DRD2: variants seen among roughly 807,000 people sequenced by gnomAD.
DRD2 encodes the protein D(2) dopamine receptor.
DRD2 carries 8 observed loss-of-function variants against 38.0 expected under a neutral mutation model. The ratio of observed to expected loss-of-function variants is 0.21; its 90% CI spans 0.12 to 0.38. DRD2 has a LOEUF of 0.38. Ranked by LOEUF, DRD2 falls within the 10% of genes least tolerant of loss-of-function variation. The probability of loss-of-function intolerance (pLI) is 1.00; values close to 1 mark genes in which losing one functional copy is unlikely to be tolerated. For missense variants in DRD2, 403 were observed against 607.7 expected (o/e 0.66, Z 3.54); for synonymous variants, 230 against 238.6 (o/e 0.96, Z 0.33).
Position 113,412,524 on chromosome 11 carries a change from C to T in DRD2, c.1138+32G>A, listed in dbSNP as rs191808777. ...GCAGGGAATGGGACCTTTCACAGAC[C>T]GGGCTGTGGCCAGCAGCCAGGGCCG... On this transcript the variant is annotated intron_variant, in intron 7 of 7. Coordinates refer to ENST00000362072, the MANE Select transcript of DRD2 (RefSeq NM_000795.4). 8.1e-5 allele frequency: 130 copies of T among 1,606,978 alleles called. No individual in the cohort carries two copies. The East Asian group carries it at 2.0e-3, about 24-fold the overall frequency.
At chr11:113,415,358 A>T in intron 5 of DRD2, 63 bp downstream of exon 5, 2 of 1,545,106 alleles carry the variant, frequency 1.3e-6, no homozygotes, top group Non-Finnish European at 1.8e-6. Context: ...TGAGCATAAG[A>T]TGAGCCCTCT....
intron 1 of DRD2, among the ~76,000 whole-genome samples, chr11:113,452,467 TGTGCGCGCGC>T (rs1555167765): frequency 5.9e-4 from 54 of 91,152 alleles, no homozygotes; most frequent in African/African-American, 1.8e-3. Flanking sequence ...TGTGTGTGTG[TGTGCGCGCGC>T]GCGCGCGCGC....
intron 1 of DRD2, among the ~76,000 whole-genome samples, chr11:113,455,247 C>A (rs914222794): frequency 6.6e-6 from 1 of 152,070 alleles, no homozygotes. Context: ...CCTGTAGTCC[C>A]AGCTACTTGG....
chr11:113,410,895 G>C lies in DRD2; in HGVS notation c.1164C>G (p.Pro388=). ...TGTTCAGGATGTGTGTGATGAAGAA[G>C]GGCAGCCAGCAGATGATGAACACGC... ...VLGVFIICWL[P]FFITHILNIH... is the part of the protein sequence containing the mutation. Residue 388 remains proline, a synonymous_variant, in exon 8 of 8, where the codon CCC becomes CCG. Transcript: ENST00000362072. The C allele has an allele frequency of 6.2e-7, 1 of 1,611,302 alleles. No homozygotes were observed. Among genetic ancestry groups the C allele is most frequent in the Non-Finnish European group, 8.5e-7 (1 of 1,177,572 alleles).
intron 1 of DRD2, among the ~76,000 whole-genome samples, chr11:113,445,486 A>T (rs772979573): frequency 2.0e-5 from 3 of 152,168 alleles, no homozygotes; most frequent in Admixed American, 2.0e-4. Context: ...ATCTGTGTGA[A>T]GGGGCTGTCC....
chr11:113,416,171 GA>G (rs1363879765), intron 4 of DRD2, among the ~76,000 whole-genome samples: 2 of 152,168 alleles, frequency 1.3e-5, no homozygotes, highest in African/African-American at 2.4e-5. Flanking sequence ...TTCCCACTTA[GA>G]ATTCCTGTGA....
At chr11:113,417,252 G>T (rs901999991) in intron 3 of DRD2, among the ~76,000 whole-genome samples, 1 of 152,102 alleles carries the variant, frequency 6.6e-6, no homozygotes, top group Non-Finnish European at 1.5e-5. Context: ...TATTCTAACC[G>T]GCCCCACCTG....
At chr11:113,423,735 C>T (rs1397055692) in intron 2 of DRD2, among the ~76,000 whole-genome samples, 1 of 152,178 alleles carries the variant, frequency 6.6e-6, no homozygotes, top group Admixed American at 6.5e-5. Flanking sequence ...AGTGACTACA[C>T]AATTCTTCCT....
intron 1 of DRD2, among the ~76,000 whole-genome samples, chr11:113,441,372 A>G (rs1303074339): frequency 6.6e-6 from 1 of 152,234 alleles, no homozygotes; most frequent in Non-Finnish European, 1.5e-5. Context: ...AATCTCCTTC[A>G]TGCCCAGGGA....
intron 1 of DRD2, among the ~76,000 whole-genome samples, chr11:113,428,299 A>G (rs755649259): frequency 6.6e-6 from 1 of 152,180 alleles, no homozygotes. Context: ...GCATCAGGTG[A>G]CCCCACAGGG....
intron 3 of DRD2, among the ~76,000 whole-genome samples, chr11:113,417,450 A>AT (rs35685394): frequency 9.3e-4 from 137 of 147,210 alleles, no homozygotes; most frequent in South Asian, 1.7e-3. Flanking sequence ...CCTTCATCAC[A>AT]TTTTTTTTTT....
intron 1 of DRD2, 105 bp downstream of exon 1, chr11:113,474,971 G>A (rs1300267146): frequency 6.6e-6 from 1 of 152,262 alleles, no homozygotes; most frequent in Non-Finnish European, 1.5e-5. Context: ...AGGCGGCCAG[G>A]AGTGGCCGCA....
chr11:113,462,426 C>G (rs986120826), intron 1 of DRD2, among the ~76,000 whole-genome samples: 1 of 152,142 alleles, frequency 6.6e-6, no homozygotes, highest in African/African-American at 2.4e-5. Context: ...AAATCAACAC[C>G]TGGTGTACCC....
intron 1 of DRD2, among the ~76,000 whole-genome samples, chr11:113,473,353 C>G (rs1951447465): frequency 6.6e-6 from 1 of 152,182 alleles, no homozygotes; most frequent in Non-Finnish European, 1.5e-5. Context: ...TCCTGGGCCT[C>G]CGCTTGAGAT....
At chr11:113,436,199 T>C (rs1951034515) in intron 1 of DRD2, among the ~76,000 whole-genome samples, 1 of 152,094 alleles carries the variant, frequency 6.6e-6, no homozygotes, top group Admixed American at 6.5e-5. Context: ...TGTTTTGGTG[T>C]CAAGACCTCA....
intron 1 of DRD2, among the ~76,000 whole-genome samples, chr11:113,432,324 CT>C (rs1238063889): frequency 3.1e-4 from 46 of 150,390 alleles, no homozygotes; most frequent in African/African-American, 1.1e-3. Flanking sequence ...CTCTCTCTCT[CT>C]CCCTCCCTCT....
rs373416826 is a variant in DRD2, at chr11:113,419,717, C to T, written c.286-1581G>A. On this transcript the variant is annotated intron_variant, in intron 2 of 7. Coordinates refer to ENST00000362072, the MANE Select transcript of DRD2 (RefSeq NM_000795.4). ...CGGAGTAGGGCAGACTTCGTGTCAC[C>T]GTGTAGCTTGGCAGCAGGGCTAATT... 3.9e-5 allele frequency among the ~76,000 whole-genome samples: 6 copies of T among 152,280 alleles called. 1 individual carries two copies. The South Asian group carries it at 1.0e-3, about 26-fold the overall frequency.
intron 1 of DRD2, among the ~76,000 whole-genome samples, chr11:113,473,890 C>T (rs1951451610): frequency 6.6e-6 from 1 of 152,184 alleles, no homozygotes; most frequent in Non-Finnish European, 1.5e-5. Context: ...GCATTTGAAG[C>T]AGGGTGGGAG....
Position 113,410,614 on chromosome 11 carries a change from G to C in DRD2, c.*113C>G. On this transcript the variant is annotated 3_prime_UTR_variant, in exon 8 of 8. Transcript: ENST00000362072. ...AGCGAACACTGCAGGGCCTGCCGGG[G>C]TGAAGAGGAGGCCGATCCACCCAGG... The C allele has an allele frequency of 7.4e-7, 1 of 1,345,736 alleles. No homozygotes were observed. 83.4% of individuals were successfully genotyped at this position (1,345,736 alleles called of 1,614,324 possible).
Sources: allele counts gnomAD v4.1 joint callset (sites outside exome capture counted in the v4.1 genomes callset), GRCh38; gene constraint gnomAD v4.1.1; transcripts MANE v1.5; gene names NCBI Gene and HGNC (gene_info 2026-07-23, HGNC 2026-07-21).